Variants in SUSD3 observed in about 807,000 individuals in gnomAD.
SUSD3 encodes the protein sushi domain containing 3.
Under a neutral mutation model 20.6 loss-of-function variants are expected in SUSD3, and 18 were observed. The observed-to-expected ratio is 0.87, with a 90% CI of 0.60 to 1.30. The LOEUF is 1.30. Ranked by LOEUF, SUSD3 falls within the 50% of genes most tolerant of loss-of-function variation. SUSD3 has a pLI of 0.00. For synonymous variants in SUSD3, 137 were observed against 141.5 expected (o/e 0.97, Z 0.23); for missense variants, 306 against 346.9 (o/e 0.88, Z 0.94).
intron 1 of SUSD3, among the ~76,000 whole-genome samples, chr9:93,063,867 A>G (rs1234941881): frequency 1.3e-5 from 2 of 152,190 alleles, no homozygotes; most frequent in Admixed American, 6.5e-5. Flanking sequence ...AAGGCCCCCC[A>G]GCCCCACCAG....
rs1313286078 is a variant in SUSD3 at position 93,084,915 on chromosome 9, G to A, written c.*168G>A. 1.8e-6 allele frequency: 1 copy of A among 571,356 alleles called. No individual in the cohort carries two copies. The highest frequency in any genetic ancestry group is 2.0e-5 in the African/African-American group (1 of 51,146). The allele number at this position is 571,356 out of a possible 1,614,324, so 35.4% of individuals were successfully genotyped here. ...CTTGAGGGGCCGAGCTGACATCCAA[G>A]GCTGAGGACCCCAGTGGGGAGTGTT... is the stretch of plus-strand genomic sequence containing the variant. On this transcript the variant is annotated 3_prime_UTR_variant, in exon 5 of 5. Transcript: ENST00000375472.
intron 2 of SUSD3, among the ~76,000 whole-genome samples, chr9:93,077,036 G>A (rs537467228): frequency 6.6e-6 from 1 of 152,380 alleles, no homozygotes; most frequent in South Asian, 2.1e-4. Context: ...CATTTTGGGT[G>A]GCCAGGATCC....
At chr9:93,082,770 G>T (rs554743720) in intron 4 of SUSD3, among the ~76,000 whole-genome samples, 41 of 152,298 alleles carry the variant, frequency 2.7e-4, no homozygotes, top group African/African-American at 9.4e-4. Context: ...ATCATCCTGT[G>T]TCATAACTGG....
chr9:93,061,782 C>T (rs553318378), intron 1 of SUSD3, among the ~76,000 whole-genome samples: 1 of 152,180 alleles, frequency 6.6e-6, no homozygotes. Flanking sequence ...CCTGAAGGTT[C>T]CTGTTTCACA....
At chr9:93,075,452 T>C (rs1319813006) in intron 1 of SUSD3, among the ~76,000 whole-genome samples, 1 of 149,644 alleles carries the variant, frequency 6.7e-6, no homozygotes, top group Non-Finnish European at 1.5e-5. Flanking sequence ...TTTCTGCCTT[T>C]GGAGCCGTGT....
intron 4 of SUSD3, among the ~76,000 whole-genome samples, chr9:93,084,300 G>T (rs921908580): frequency 1.3e-5 from 2 of 152,024 alleles, no homozygotes; most frequent in Non-Finnish European, 2.9e-5. Flanking sequence ...CCTGGGCCAC[G>T]CCCTGGTTGT....
chr9:93,075,458 C>T (rs994308464), intron 1 of SUSD3, among the ~76,000 whole-genome samples: 4 of 140,296 alleles, frequency 2.9e-5, no homozygotes, highest in Admixed American at 7.3e-5. Flanking sequence ...CCTTTGGAGC[C>T]GTGTTTAGGT....
rs765851118 is a variant in SUSD3, at chr9:93,075,888, C to A, written c.193C>A (p.His65Asn). 6.2e-7 allele frequency: 1 copy of A among 1,613,994 alleles called. No homozygotes were observed. The highest frequency in any genetic ancestry group is 2.2e-5 in the East Asian group (1 of 44,874). ...TVLMFRCPSN[H>N]QMVGSGLLTC... Reference sequence around the variant, plus strand: ...GCTCATGTTCCGCTGCCCCTCCAACCACCAGATGGTGGGGTCTGGGCTCCT... The same window carrying A: ...GCTCATGTTCCGCTGCCCCTCCAACAACCAGATGGTGGGGTCTGGGCTCCT... The change falls in exon 2 of 5, where the codon CAC becomes AAC. Residue 65 changes from histidine (H) to asparagine (N), a missense_variant. By Grantham distance (68) the His-to-Asn change is moderately conservative (BLOSUM62 1). Coordinates refer to ENST00000375472, the MANE Select transcript of SUSD3 (RefSeq NM_145006.4).
rs1299167051 is a variant in SUSD3, at chr9:93,084,887, C to A, written c.*140C>A. On this transcript the variant is annotated 3_prime_UTR_variant, in exon 5 of 5. Coordinates refer to ENST00000375472, the MANE Select transcript of SUSD3 (RefSeq NM_145006.4). ...TGGAATCAGCTTCCAGGTGTAGGGACCCCTTGAGGGGCCGAGCTGACATCC... is the reference window on the plus strand; with the variant it reads ...TGGAATCAGCTTCCAGGTGTAGGGAACCCTTGAGGGGCCGAGCTGACATCC... The A allele has an allele frequency of 3.9e-6, 3 of 771,896 alleles. No homozygotes were observed. Among genetic ancestry groups the A allele is most frequent in the Admixed American group, 8.2e-5 (2 of 24,414 alleles). 47.8% of individuals were successfully genotyped at this position (771,896 alleles called of 1,614,324 possible). A position where few individuals can be genotyped will look rare whatever the true frequency, so the allele number is the denominator to read the frequency against.
At chr9:93,079,641 AG>A (rs1428258780) in intron 4 of SUSD3, 39 bp downstream of exon 4, 2 of 1,608,386 alleles carry the variant, frequency 1.2e-6, no homozygotes, top group Non-Finnish European at 1.7e-6. Context: ...CTGGGGGACA[AG>A]GGGTCCAGCT....
intron 1 of SUSD3, among the ~76,000 whole-genome samples, chr9:93,069,565 A>G (rs1222895607): frequency 6.6e-6 from 1 of 152,144 alleles, no homozygotes; most frequent in Non-Finnish European, 1.5e-5. Flanking sequence ...TAACTAATTT[A>G]TTCTTTTTGA....
intron 3 of SUSD3, among the ~76,000 whole-genome samples, chr9:93,078,621 C>T (rs943556834): frequency 5.3e-4 from 80 of 152,246 alleles, no homozygotes; most frequent in African/African-American, 1.9e-3. Flanking sequence ...TAACGGCCTG[C>T]AGGGCTGCCA....
Position 93,080,490 on chromosome 9 carries a change from C to T in SUSD3, c.557+888C>T, listed in dbSNP as rs546894860. Among the ~76,000 whole-genome samples the T allele has an allele frequency of 3.3e-5, 5 of 152,308 alleles. No individual in the cohort carries two copies. In the South Asian group the frequency reaches 6.2e-4, roughly 19 times the overall value. On this transcript the variant is annotated intron_variant, in intron 4 of 4. Coordinates refer to ENST00000375472, the MANE Select transcript of SUSD3 (RefSeq NM_145006.4). ...TCATGGCATAGTCTTCTGAGGGTTC[C>T]AGGCCAGTGGTCGCATGCAGAGGCT... is the stretch of plus-strand genomic sequence containing the variant.
chr9:93,071,846 G>A (rs1825923900), intron 1 of SUSD3, among the ~76,000 whole-genome samples: 1 of 152,154 alleles, frequency 6.6e-6, no homozygotes, highest in Non-Finnish European at 1.5e-5. Context: ...AGAGGCAACC[G>A]CAGCCAGGGG....
rs190617296 is a variant in SUSD3, at chr9:93,069,403, C to T, written c.89-6381C>T. 4.6e-5 allele frequency among the ~76,000 whole-genome samples: 7 copies of T among 152,296 alleles called. No homozygotes were observed. The East Asian group carries it at 5.8e-4, about 13-fold the overall frequency. ...TGGAAAGTGAAAACAAGGATAAGGA[C>T]GGACTACCATAATATGTTGCCATCG... On this transcript the variant is annotated intron_variant, in intron 1 of 4. Coordinates refer to ENST00000375472, the MANE Select transcript of SUSD3 (RefSeq NM_145006.4).
chr9:93,075,753 C>CCCA, intron 1 of SUSD3, 31 bp from the exon 2 acceptor site: 1 of 334,096 alleles, frequency 3.0e-6, no homozygotes, highest in Non-Finnish European at 5.2e-6. Context: ...CCCCCCCCCC[C>CCCA]GCCATGCCTC....
chr9:93,076,187 C>G (rs924569990), intron 2 of SUSD3, among the ~76,000 whole-genome samples: 1 of 152,164 alleles, frequency 6.6e-6, no homozygotes, highest in Non-Finnish European at 1.5e-5. Context: ...CAGCACGGAC[C>G]GAAAACCTAG....
chr9:93,079,586 A>G lies in SUSD3; in HGVS notation c.541A>G (p.Asn181Asp). The change falls in exon 4 of 5, where the codon AAC becomes GAC. Residue 181 changes from asparagine (N) to aspartate (D), a missense_variant. Asn to Asp is a conservative substitution (Grantham distance 23). Transcript: ENST00000375472. ...GAGCGGGCCCAGCCAGGCGCACGACAACCACAGCTTCACCACGTGAGCCCG... is the reference window on the plus strand; with the variant it reads ...GAGCGGGCCCAGCCAGGCGCACGACGACCACAGCTTCACCACGTGAGCCCG... The part of the protein sequence containing the change: ...PVSGPSQAHD[N>D]HSFTTDHGES... 1 of 1,613,902 alleles carries G rather than the reference A, an allele frequency of 6.2e-7. No homozygotes were observed. Among genetic ancestry groups the G allele is most frequent in the Non-Finnish European group, 8.5e-7 (1 of 1,179,980 alleles).
At chr9:93,068,270 A>G (rs907815656) in intron 1 of SUSD3, among the ~76,000 whole-genome samples, 1 of 152,116 alleles carries the variant, frequency 6.6e-6, no homozygotes, top group Non-Finnish European at 1.5e-5. Context: ...CTAAGAAACC[A>G]TTGCCTAAGT....
Sources: allele counts gnomAD v4.1 joint callset (sites outside exome capture counted in the v4.1 genomes callset), GRCh38; gene constraint gnomAD v4.1.1; transcripts MANE v1.5; gene names NCBI Gene and HGNC (gene_info 2026-07-23, HGNC 2026-07-21).